Variants in SORCS2 observed in about 807,000 individuals in gnomAD.
SORCS2 encodes the protein VPS10 domain-containing receptor SorCS2.
In SORCS2, 100 loss-of-function variants were observed where a neutral mutation model predicts 141.6. That is an observed-to-expected ratio of 0.71 (90% CI 0.60 to 0.83). The LOEUF (loss-of-function observed/expected upper bound fraction) is 0.83. Among genes scored for constraint, SORCS2 ranks in the 40% least tolerant of loss-of-function variants. The pLI, the probability that SORCS2 is intolerant of heterozygous loss-of-function variation, is 0.00. For synonymous variants in SORCS2, 789 were observed against 676.9 expected, an observed-to-expected ratio of 1.17 and a Z score of -2.57; for missense variants, 1,646 against 1,560.2, an observed-to-expected ratio of 1.05 and a Z score of -0.93.
At chr4:7,477,709 C>T (rs1577629696) in intron 2 of SORCS2, among the ~76,000 whole-genome samples, 1 of 152,292 alleles carries the variant, frequency 6.6e-6, no homozygotes, top group East Asian at 1.9e-4. Flanking sequence ...GATGAGATTT[C>T]CTGTCCCACT....
intron 8 of SORCS2, among the ~76,000 whole-genome samples, chr4:7,668,299 C>T (rs141430081): frequency 1.3e-3 from 193 of 152,214 alleles, no homozygotes; most frequent in Non-Finnish European, 2.4e-3. Context: ...TGTGTGTGCT[C>T]GAGTGCTTGT....
intron 1 of SORCS2, among the ~76,000 whole-genome samples, chr4:7,276,561 C>G (rs1715514787): frequency 6.6e-6 from 1 of 152,180 alleles, no homozygotes; most frequent in Non-Finnish European, 1.5e-5. Context: ...CTGCCGCTTC[C>G]TGCCTCCCCC....
intron 11 of SORCS2, among the ~76,000 whole-genome samples, chr4:7,691,703 C>T (rs1183788281): frequency 2.0e-5 from 3 of 152,116 alleles, no homozygotes; most frequent in African/African-American, 4.8e-5. Flanking sequence ...TCACCACCCA[C>T]GTTAGACACC....
chr4:7,421,869 G>A (rs1353750726), intron 2 of SORCS2, among the ~76,000 whole-genome samples: 1 of 149,418 alleles, frequency 6.7e-6, no homozygotes, highest in African/African-American at 2.5e-5. Context: ...GAGAGGGAGT[G>A]CAGGGGCTGG....
intron 5 of SORCS2, among the ~76,000 whole-genome samples, chr4:7,659,828 C>T (rs191257076): frequency 1.3e-5 from 2 of 152,196 alleles, no homozygotes; most frequent in Admixed American, 1.3e-4. Context: ...ACTTCTCCCC[C>T]CCACCACTGT....
At chr4:7,419,612 A>G (rs1480058071) in intron 2 of SORCS2, among the ~76,000 whole-genome samples, 1 of 152,234 alleles carries the variant, frequency 6.6e-6, no homozygotes, top group Non-Finnish European at 1.5e-5. Context: ...GAAGCTCATC[A>G]GTTTCTCACT....
At chr4:7,617,506 C>T (rs1718845718) in intron 3 of SORCS2, among the ~76,000 whole-genome samples, 1 of 152,148 alleles carries the variant, frequency 6.6e-6, no homozygotes, top group African/African-American at 2.4e-5. Context: ...TCAAGGAGCT[C>T]ACAGCCCAAT....
chr4:7,649,777 C>A (rs1721314964), intron 4 of SORCS2, among the ~76,000 whole-genome samples: 1 of 152,134 alleles, frequency 6.6e-6, no homozygotes, highest in Non-Finnish European at 1.5e-5. Flanking sequence ...TGTTTCCCTT[C>A]TGAGATTCTG....
intron 1 of SORCS2, among the ~76,000 whole-genome samples, chr4:7,293,760 A>G (rs1279108913): frequency 6.6e-6 from 1 of 152,208 alleles, no homozygotes; most frequent in Non-Finnish European, 1.5e-5. Context: ...AGCGATGTGC[A>G]GCTGCCTGGG....
chr4:7,458,884 T>TG (rs1729101553), intron 2 of SORCS2, among the ~76,000 whole-genome samples: 1 of 152,034 alleles, frequency 6.6e-6, no homozygotes, highest in Non-Finnish European at 1.5e-5. Flanking sequence ...AGTTGGCCTT[T>TG]GGGACCAGGA....
chr4:7,452,796 G>A (rs1240084820), intron 2 of SORCS2, among the ~76,000 whole-genome samples: 2 of 152,236 alleles, frequency 1.3e-5, no homozygotes, highest in Non-Finnish European at 2.9e-5. Context: ...ACGTGTTAGT[G>A]TCAGGCGCCA....
At chr4:7,455,745 C>T (rs59865477) in intron 2 of SORCS2, among the ~76,000 whole-genome samples, 2,360 of 145,140 alleles carry the variant, frequency 0.016, 52 homozygotes, top group African/African-American at 0.058. Context: ...GGTCAGGCTC[C>T]GTCTTGGGGT....
intron 1 of SORCS2, among the ~76,000 whole-genome samples, chr4:7,334,941 A>G (rs11947135): frequency 0.17 from 26,177 of 151,862 alleles, 2,505 homozygotes; most frequent in East Asian, 0.43. Flanking sequence ...TCTGAGGCTG[A>G]GGATTAGGAG....
Position 7,648,220 on chromosome 4 carries a change from C to T in SORCS2, c.814-5914C>T, listed in dbSNP as rs547347429. On this transcript the variant is annotated intron_variant, in intron 4 of 26. Transcript: ENST00000507866. This position sits in a 1 kb window ranked among gnomAD's most constrained non-coding sequence, Gnocchi z 4.2. Reference sequence around the variant, plus strand: ...GAGGAGGAGGAGGAGGAGGAAGACACGGAGGCTGGAGGAGCAGGGCTGGTT... The same window carrying T: ...GAGGAGGAGGAGGAGGAGGAAGACATGGAGGCTGGAGGAGCAGGGCTGGTT... Among the ~76,000 whole-genome samples the T allele has an allele frequency of 5.3e-5, 8 of 151,740 alleles. No homozygotes were observed. The highest frequency in any genetic ancestry group is 4.2e-4 in the South Asian group (2 of 4,780).
intron 2 of SORCS2, among the ~76,000 whole-genome samples, chr4:7,459,860 G>C (rs935942049): frequency 2.0e-5 from 3 of 152,206 alleles, no homozygotes; most frequent in Admixed American, 6.5e-5. Flanking sequence ...ACTTTGGGGA[G>C]AAGTACCCGG....
At chr4:7,217,145 G>T (rs1005161428) in intron 1 of SORCS2, among the ~76,000 whole-genome samples, 12 of 152,188 alleles carry the variant, frequency 7.9e-5, no homozygotes, top group Admixed American at 1.3e-4. Context: ...CTCCATGCTG[G>T]CTGCTTGCTG....
intron 1 of SORCS2, among the ~76,000 whole-genome samples, chr4:7,315,646 C>T (rs1056788378): frequency 1.3e-5 from 2 of 152,324 alleles, no homozygotes; most frequent in East Asian, 3.9e-4. Context: ...CTCCCTGCCC[C>T]TCCTATGGTG....
At chr4:7,729,453 C>A in intron 22 of SORCS2, 134 bp from the exon 23 acceptor site, 1 of 1,203,604 alleles carries the variant, frequency 8.3e-7, no homozygotes, top group Non-Finnish European at 1.1e-6. Flanking sequence ...ATCCCCACGC[C>A]ATGCAGGGGT....
At chr4:7,491,422 C>T (rs189825621) in intron 2 of SORCS2, among the ~76,000 whole-genome samples, 48 of 152,366 alleles carry the variant, frequency 3.2e-4, no homozygotes, top group Non-Finnish European at 4.9e-4. Flanking sequence ...GAGCATGCCC[C>T]TCTCTGCAGG....
Sources: allele counts gnomAD v4.1 joint callset (sites outside exome capture counted in the v4.1 genomes callset), GRCh38; gene constraint gnomAD v4.1.1; non-coding constraint Gnocchi (gnomAD v3.1); transcripts MANE v1.5; gene names NCBI Gene and HGNC (gene_info 2026-07-23, HGNC 2026-07-21).